Variants in JUP observed in about 807,000 individuals in gnomAD.
JUP encodes the protein junction plakoglobin, also known as catenin (cadherin-associated protein), gamma 80kDa.
In JUP, 28 loss-of-function variants were observed where a neutral mutation model predicts 71.1. That is an observed-to-expected ratio of 0.39 (90% CI 0.29 to 0.54). JUP has a LOEUF of 0.54. Ranked by LOEUF, JUP falls within the 20% of genes least tolerant of loss-of-function variation. The pLI is 0.62. For synonymous variants in JUP, 401 were observed against 438.9 expected (o/e 0.91, Z 1.08); for missense variants, 869 against 1,030.1 (o/e 0.84, Z 2.14).
chr17:41,769,635 C>A lies in JUP; in HGVS notation c.251G>T (p.Arg84Leu). 1 of 1,607,052 alleles carries A rather than the reference C, an allele frequency of 6.2e-7. No individual in the cohort carries two copies. The change falls in exon 3 of 14, where the codon CGG (arginine) becomes CTG (leucine). Residue 84 changes from arginine (R) to leucine (L), a missense_variant. Transcript: ENST00000393931. ...YQMSTTARAKRVREAMCPGVS... is the reference protein window; with the variant it reads ...YQMSTTARAKLVREAMCPGVS... ...ACCAGGGCACATGGCCTCCCGCACC[C>A]GTTTGGCCCTGGCTGTTGTGGACAT...
chr17:41,759,063 T>A (rs1234659981), intron 8 of JUP, among the ~76,000 whole-genome samples, 193 bp from the exon 9 acceptor site: 6 of 144,374 alleles, frequency 4.2e-5, no homozygotes, highest in African/African-American at 1.5e-4. Context: ...GGAGTGCTCA[T>A]GGCTAATTCT....
At chr17:41,755,979 C>G (rs868958226) in intron 13 of JUP, 84 bp from the exon 14 acceptor site, 1 of 1,514,452 alleles carries the variant, frequency 6.6e-7, no homozygotes, top group Middle Eastern at 1.9e-4. Context: ...GCTGCCTCCT[C>G]TACCCATGCC....
chr17:41,775,512 C>G lies in JUP; in HGVS notation c.-8-3650G>C, dbSNP rs372471369. 8.2e-4 allele frequency among the ~76,000 whole-genome samples: 125 copies of G among 152,314 alleles called. 2 individuals are homozygous for G. The South Asian group carries it at 0.022, about 27-fold the overall frequency. ...GGCCACACCCAGTTCAGTCTTGTCC[C>G]TCTCCACCCTGGACCTGGAGTCAGA... On this transcript the variant is annotated intron_variant, in intron 1 of 13. Transcript: ENST00000393931.
chr17:41,766,763 G>A (rs1283197518), intron 5 of JUP, among the ~76,000 whole-genome samples: 1 of 151,728 alleles, frequency 6.6e-6, no homozygotes, highest in Non-Finnish European at 1.5e-5. Context: ...GCTGAAGCAG[G>A]AGAATCGCTT....
At chr17:41,756,665 A>G (rs1913832347) in intron 12 of JUP, among the ~76,000 whole-genome samples, 1 of 152,242 alleles carries the variant, frequency 6.6e-6, no homozygotes, top group African/African-American at 2.4e-5. Context: ...TTGGGAGGCC[A>G]AGGCGGGCGG....
intron 8 of JUP, among the ~76,000 whole-genome samples, chr17:41,761,072 C>T (rs1203200388): frequency 2.0e-5 from 3 of 152,264 alleles, no homozygotes; most frequent in South Asian, 4.1e-4. Flanking sequence ...GGTCTGCCCA[C>T]ACCCTGACCC....
At chr17:41,777,060 C>T (rs1256903909) in intron 1 of JUP, among the ~76,000 whole-genome samples, 1 of 152,166 alleles carries the variant, frequency 6.6e-6, no homozygotes, top group Non-Finnish European at 1.5e-5. Flanking sequence ...GCACAGAGAC[C>T]TGTCGGGCAA....
rs781945506 is a variant in JUP, at chr17:41,758,791, C to G, written c.1577G>C (p.Arg526Pro). The G allele has an allele frequency of 1.9e-6, 3 of 1,611,346 alleles. No homozygotes were observed. The East Asian group carries it at 6.7e-5, about 36-fold the overall frequency. ...APLQEAAVIP[R>P]LVQLLVKAHQ... ...GGCCTTCACCAGCAGTTGGACGAGG[C>G]GGGGGATGACCGCTGCCTCCTGCAG... The change falls in exon 9 of 14, where the codon CGC becomes CCC. Residue 526 changes from arginine (R) to proline (P), a missense_variant. Transcript: ENST00000393931.
chr17:41,764,619 C>G (rs1555603103), intron 7 of JUP, 94 bp downstream of exon 7: 3 of 939,406 alleles, frequency 3.2e-6, no homozygotes, highest in Admixed American at 1.7e-5. Flanking sequence ...TTAGAGCCCC[C>G]AGTCCTCCCA....
chr17:41,757,838 C>G (rs1914116607), intron 10 of JUP, 54 bp from the exon 11 acceptor site: 1 of 1,477,454 alleles, frequency 6.8e-7, no homozygotes, highest in African/African-American at 1.4e-5. Flanking sequence ...GTGAGGCAGG[C>G]CGGACAACAC....
intron 13 of JUP, 109 bp from the exon 14 acceptor site, chr17:41,756,004 C>T: frequency 7.5e-7 from 1 of 1,341,338 alleles, no homozygotes; most frequent in Admixed American, 2.2e-5. Flanking sequence ...CCTGGTGGGC[C>T]TGACCCCTCC....
rs538455800 is a variant in JUP at position 41,774,996 on chromosome 17, G to A, written c.-8-3134C>T. Among the ~76,000 whole-genome samples the A allele has an allele frequency of 5.3e-5, 8 of 152,040 alleles. No individual in the cohort carries two copies. The South Asian group carries it at 6.2e-4, about 12-fold the overall frequency. ...TGTGCACCTGTAATCCCAGCTACTC[G>A]GGAGGCTGGGGCGGGAGAATTGCTT... On this transcript the variant is annotated intron_variant, in intron 1 of 13. Coordinates refer to ENST00000393931, the MANE Select transcript of JUP (RefSeq NM_002230.4).
Position 41,769,131 on chromosome 17 carries a change from G to A in JUP, c.545C>T (p.Ser182Leu), listed in dbSNP as rs145592971. 53 of 1,609,724 alleles carry A rather than the reference G, an allele frequency of 3.3e-5. No homozygotes were observed. Among genetic ancestry groups the A allele is most frequent in the Middle Eastern group, 3.3e-4 (2 of 6,034 alleles). ...KEASRRALMG[S>L]PQLVAAVVRT... The stretch of plus-strand genomic sequence containing the variant: ...CACGACAGCGGCCACCAGCTGGGGC[G>A]AGCCCATCAGGGCCCGCCGCGACGC... Residue 182 changes from serine (S) to leucine (L), a missense_variant, in exon 4 of 14, where the codon TCG becomes TTG. Ser to Leu is a moderately radical substitution (Grantham distance 145). Coordinates refer to ENST00000393931, the MANE Select transcript of JUP (RefSeq NM_002230.4).
chr17:41,763,739 G>A lies in JUP; in HGVS notation c.1159-418C>T, dbSNP rs1483009473. On this transcript the variant is annotated intron_variant, in intron 7 of 13. Transcript: ENST00000393931. ...GGCCGCATGATTCAGTGGCCCAGCT[G>A]AGCCATGTCTACTCGCTTGTCACCT... Among the ~76,000 whole-genome samples, 3 of 152,232 alleles carry A rather than the reference G, an allele frequency of 2.0e-5. 1 individual carries two copies. Among genetic ancestry groups the A allele is most frequent in the Middle Eastern group, 6.8e-3 (2 of 292 alleles).
chr17:41,763,805 A>G (rs2143574582), intron 7 of JUP, among the ~76,000 whole-genome samples: 1 of 152,134 alleles, frequency 6.6e-6, no homozygotes, highest in East Asian at 1.9e-4. Context: ...TGGGGCCCTG[A>G]GCCAAATCCA....
intron 10 of JUP, among the ~76,000 whole-genome samples, chr17:41,758,008 G>A (rs1427426728): frequency 6.6e-6 from 1 of 152,178 alleles, no homozygotes; most frequent in Non-Finnish European, 1.5e-5. Context: ...TTGGAATCTA[G>A]TGTTAATGAG....
Position 41,757,840 on chromosome 17 carries a change from G to A in JUP, c.1774-56C>T, listed in dbSNP as rs998719491. On this transcript the variant is annotated intron_variant, in intron 10 of 13. Transcript: ENST00000393931. ...GAGGTGGAAAGGGGTGAGGCAGGCC[G>A]GACAACACACCCCACAGCACTGCCC... 5.4e-5 allele frequency: 79 copies of A among 1,475,674 alleles called. No individual in the cohort carries two copies. In the Admixed American group the frequency reaches 1.2e-3, roughly 23 times the overall value. The allele number at this position is 1,475,674 out of a possible 1,614,324, so 91.4% of individuals were successfully genotyped here.
chr17:41,778,682 C>A (rs1208185334), intron 1 of JUP, among the ~76,000 whole-genome samples: 2 of 151,896 alleles, frequency 1.3e-5, no homozygotes, highest in South Asian at 2.1e-4. Context: ...GAGGCCGAGG[C>A]GGGCGGATCA....
chr17:41,762,158 A>AGT (rs1914939625), intron 8 of JUP, among the ~76,000 whole-genome samples: 5 of 115,550 alleles, frequency 4.3e-5, no homozygotes, highest in African/African-American at 1.3e-4. Flanking sequence ...AGAGAGAGAG[A>AGT]GAGAGAGAGA....
Sources: allele counts gnomAD v4.1 joint callset (sites outside exome capture counted in the v4.1 genomes callset), GRCh38; gene constraint gnomAD v4.1.1; transcripts MANE v1.5; gene names NCBI Gene and HGNC (gene_info 2026-07-23, HGNC 2026-07-21).